The following PAX5 variants were observed in gnomAD, a reference collection of about 807,000 sequenced individuals.
PAX5 encodes paired box protein Pax-5.
Under a neutral mutation model 43.7 loss-of-function variants are expected in PAX5, and 9 were observed. That is an observed-to-expected ratio of 0.21 (90% CI 0.12 to 0.36). PAX5 has a LOEUF of 0.36. Among genes scored for constraint, PAX5 ranks in the 10% least tolerant of loss-of-function variants. The pLI, the probability that PAX5 is intolerant of heterozygous loss-of-function variation, is 1.00. For synonymous variants in PAX5, 228 were observed against 214.3 expected (o/e 1.06, Z -0.56); for missense variants, 383 against 532.7 (o/e 0.72, Z 2.77).
At chr9:37,004,726 C>T (rs1323309396) in intron 4 of PAX5, among the ~76,000 whole-genome samples, 1 of 152,204 alleles carries the variant, frequency 6.6e-6, no homozygotes, top group Admixed American at 6.5e-5. Flanking sequence ...GATCCCAGGT[C>T]ACTTGGTACT....
rs576962311 is a variant in PAX5, at chr9:36,948,673, C to G, written c.780+17876G>C. ...AGCAAACAGTAAAAACAGAGAAAGTCTGGGGAAGAAAAAGTTCCCAGAAAC... is the reference window on the plus strand; with the variant it reads ...AGCAAACAGTAAAAACAGAGAAAGTGTGGGGAAGAAAAAGTTCCCAGAAAC... On this transcript the variant is annotated intron_variant, in intron 6 of 9. Coordinates refer to ENST00000358127, the MANE Select transcript of PAX5 (RefSeq NM_016734.3). Among the ~76,000 whole-genome samples, 5 of 152,246 alleles carry G rather than the reference C, an allele frequency of 3.3e-5. No individual in the cohort carries two copies. The East Asian group carries it at 5.8e-4, about 18-fold the overall frequency.
At chr9:37,029,897 G>A (rs1047685996) in intron 1 of PAX5, among the ~76,000 whole-genome samples, 2 of 152,230 alleles carry the variant, frequency 1.3e-5, no homozygotes, top group Admixed American at 6.5e-5. Context: ...CAAGTCTGGG[G>A]TAGAAGAAAG....
At chr9:37,020,465 G>T (rs1839760157) in intron 2 of PAX5, among the ~76,000 whole-genome samples, 171 bp downstream of exon 2, 1 of 152,134 alleles carries the variant, frequency 6.6e-6, no homozygotes, top group East Asian at 1.9e-4. Flanking sequence ...AGAGACAGGG[G>T]TTTCCAAGGG....
intron 7 of PAX5, among the ~76,000 whole-genome samples, chr9:36,903,991 C>A (rs1336111765): frequency 6.6e-6 from 1 of 152,218 alleles, no homozygotes; most frequent in East Asian, 1.9e-4. Flanking sequence ...GCATTTAAAA[C>A]CTGGCTACAC....
intron 6 of PAX5, among the ~76,000 whole-genome samples, chr9:36,925,531 T>C (rs952029890): frequency 3.3e-5 from 5 of 151,916 alleles, no homozygotes; most frequent in African/African-American, 1.2e-4. Context: ...ATGAAGGAGA[T>C]GGTGTACAAA....
At chr9:36,961,908 A>G (rs1422573601) in intron 6 of PAX5, among the ~76,000 whole-genome samples, 1 of 152,232 alleles carries the variant, frequency 6.6e-6, no homozygotes, top group Non-Finnish European at 1.5e-5. Context: ...CTCCATATGT[A>G]GGGAAAACAG....
At chr9:36,971,352 A>G (rs1030438471) in intron 5 of PAX5, among the ~76,000 whole-genome samples, 1 of 152,222 alleles carries the variant, frequency 6.6e-6, no homozygotes, top group Admixed American at 6.5e-5. Context: ...AGACAGCTAT[A>G]AAAATTAATC....
At chr9:36,937,724 T>A (rs911610234) in intron 6 of PAX5, among the ~76,000 whole-genome samples, 4 of 152,186 alleles carry the variant, frequency 2.6e-5, no homozygotes, top group African/African-American at 9.6e-5. Flanking sequence ...AAGAATGACC[T>A]CCTATAGAAA....
chr9:36,992,329 G>C (rs1019086545), intron 5 of PAX5, among the ~76,000 whole-genome samples: 6 of 152,152 alleles, frequency 3.9e-5, no homozygotes, highest in Non-Finnish European at 4.4e-5. Flanking sequence ...GCATTGCTAG[G>C]TTTTCTTCCC....
At chr9:36,859,025 G>A (rs1823936641) in intron 8 of PAX5, among the ~76,000 whole-genome samples, 1 of 152,162 alleles carries the variant, frequency 6.6e-6, no homozygotes, top group South Asian at 2.1e-4. Flanking sequence ...TGTCTGCGAG[G>A]AGACCAGACA....
intron 1 of PAX5, among the ~76,000 whole-genome samples, chr9:37,021,363 A>C (rs1564085708): frequency 6.6e-6 from 1 of 152,200 alleles, no homozygotes; most frequent in East Asian, 1.9e-4. Context: ...AGAAAAAAAA[A>C]CAACCATTGC....
intron 6 of PAX5, among the ~76,000 whole-genome samples, chr9:36,925,675 T>G (rs1376765108): frequency 6.6e-6 from 1 of 152,180 alleles, no homozygotes; most frequent in Non-Finnish European, 1.5e-5. Context: ...GAGACCTAAA[T>G]GTGGAAGGCA....
Position 37,034,101 on chromosome 9 carries a change from T to TC in PAX5, c.-71_-70insG, listed in dbSNP as rs1388376916. ...ACTTTTTTGTGCCTTTTTTTTTCTT[T>TC]TTTTTTTTTTTTTTTTTTTTTTTTT... On this transcript the variant is annotated 5_prime_UTR_variant, in exon 1 of 10. Coordinates refer to ENST00000358127, the MANE Select transcript of PAX5 (RefSeq NM_016734.3). 1.3e-4 allele frequency: 37 copies of TC among 295,592 alleles called. No homozygotes were observed. The highest frequency in any genetic ancestry group is 6.7e-4 in the African/African-American group (26 of 38,798). The allele number at this position is 295,592 out of a possible 1,614,324, so 18.3% of individuals were successfully genotyped here. A position where few individuals can be genotyped will look rare whatever the true frequency, so the allele number is the denominator to read the frequency against.
chr9:36,932,239 C>T (rs1221981593), intron 6 of PAX5, among the ~76,000 whole-genome samples: 1 of 152,192 alleles, frequency 6.6e-6, no homozygotes, highest in Admixed American at 6.5e-5. Flanking sequence ...CACCACTGCA[C>T]TCCAGTCTGG....
At chr9:36,892,370 C>A (rs571919870) in intron 7 of PAX5, among the ~76,000 whole-genome samples, 1 of 152,194 alleles carries the variant, frequency 6.6e-6, no homozygotes, top group African/African-American at 2.4e-5. Flanking sequence ...CAATAACAAC[C>A]AAAACAACAG....
chr9:36,875,359 T>G (rs945679357), intron 8 of PAX5, among the ~76,000 whole-genome samples: 32 of 152,306 alleles, frequency 2.1e-4, no homozygotes, highest in Admixed American at 2.0e-3. Context: ...AAAACAGACA[T>G]AGCCTTGATT....
At chr9:36,935,176 G>A (rs567254880) in intron 6 of PAX5, among the ~76,000 whole-genome samples, 1 of 152,300 alleles carries the variant, frequency 6.6e-6, no homozygotes, top group Admixed American at 6.5e-5. Flanking sequence ...GAGATTGTGA[G>A]TTTGAAACCA....
intron 8 of PAX5, among the ~76,000 whole-genome samples, chr9:36,881,608 A>G (rs546388672): frequency 2.6e-5 from 4 of 151,006 alleles, no homozygotes; most frequent in Non-Finnish European, 5.9e-5. Context: ...CGAGCACCTC[A>G]GCGCCTTCTG....
At chr9:37,000,091 C>T (rs532476750) in intron 5 of PAX5, among the ~76,000 whole-genome samples, 52 of 152,252 alleles carry the variant, frequency 3.4e-4, no homozygotes, top group African/African-American at 1.1e-3. Flanking sequence ...CCTAGTAAAA[C>T]GGAAGTGACA....
Sources: allele counts gnomAD v4.1 joint callset (sites outside exome capture counted in the v4.1 genomes callset), GRCh38; gene constraint gnomAD v4.1.1; transcripts MANE v1.5; gene names NCBI Gene and HGNC (gene_info 2026-07-23, HGNC 2026-07-21).